Variants in RERE observed in about 807,000 individuals in gnomAD.
The protein encoded by RERE is arginine-glutamic acid dipeptide repeats, also known as arginine-glutamic acid dipeptide repeats protein.
Under a neutral mutation model 146.1 loss-of-function variants are expected in RERE, and 40 were observed. That is an observed-to-expected ratio of 0.27 (90% CI 0.21 to 0.36). The LOEUF is 0.36. Among genes scored for constraint, RERE ranks in the 10% least tolerant of loss-of-function variants. The pLI is 1.00. For missense variants in RERE, 1,933 were observed against 2,138.7 expected (o/e 0.90, Z 1.90); for synonymous variants, 1,003 against 866.0 (o/e 1.16, Z -2.78).
chr1:8,708,914 T>C (rs1191463255), intron 1 of RERE, among the ~76,000 whole-genome samples: 1 of 133,762 alleles, frequency 7.5e-6, no homozygotes, highest in South Asian at 2.6e-4. Context: ...AGTTTTTTTT[T>C]TTTTTTTTTT....
At chr1:8,725,521 G>A (rs906628041) in intron 1 of RERE, among the ~76,000 whole-genome samples, 6 of 152,148 alleles carry the variant, frequency 3.9e-5, no homozygotes, top group South Asian at 2.1e-4. Context: ...AGCCGACATC[G>A]TGCCACTGCA....
intron 12 of RERE, among the ~76,000 whole-genome samples, chr1:8,409,468 G>A (rs1643552747): frequency 6.6e-6 from 1 of 152,206 alleles, no homozygotes; most frequent in African/African-American, 2.4e-5. Flanking sequence ...AATAGAAGCA[G>A]GGGGAAGGCT....
intron 4 of RERE, among the ~76,000 whole-genome samples, chr1:8,594,372 C>A (rs1012653662): frequency 3.3e-5 from 5 of 152,138 alleles, no homozygotes; most frequent in Non-Finnish European, 5.9e-5. Flanking sequence ...CAACAAACTA[C>A]ATAAAATGTG....
chr1:8,625,227 A>C (rs928690351), intron 2 of RERE, among the ~76,000 whole-genome samples: 4 of 152,128 alleles, frequency 2.6e-5, no homozygotes, highest in African/African-American at 9.7e-5. Flanking sequence ...CCGAAGTGTC[A>C]GGATTACAGG....
At chr1:8,527,142 T>C (rs1645579840) in intron 7 of RERE, among the ~76,000 whole-genome samples, 1 of 152,138 alleles carries the variant, frequency 6.6e-6, no homozygotes, top group African/African-American at 2.4e-5. Context: ...TAAACTAAAT[T>C]CTGAAACTAT....
chr1:8,607,531 T>TATATATA (rs1215150807), intron 4 of RERE, among the ~76,000 whole-genome samples: 1 of 119,686 alleles, frequency 8.4e-6, no homozygotes, highest in South Asian at 2.6e-4. Flanking sequence ...TTTATATATA[T>TATATATA]TTCTTTTTTT....
At chr1:8,371,139 A>G (rs1409960786) in intron 12 of RERE, among the ~76,000 whole-genome samples, 2 of 152,234 alleles carry the variant, frequency 1.3e-5, no homozygotes, top group Admixed American at 6.5e-5. Context: ...TCCAACTGAC[A>G]GTGTTCCCGG....
Position 8,352,975 on chromosome 1 carries a change from T to G in RERE, c.*2112A>C, listed in dbSNP as rs1641154268. On this transcript the variant is annotated 3_prime_UTR_variant, in exon 23 of 23. Transcript: ENST00000400908. ...TAACTGAATGGTAGATGTTGTGTTC[T>G]ACCAAAAAGAAAGAAAAACCAGAAG... 6.6e-6 allele frequency: 1 copy of G among 152,502 alleles called. No individual in the cohort carries two copies. Among genetic ancestry groups the G allele is most frequent in the African/African-American group, 2.4e-5 (1 of 41,448 alleles). The allele number at this position is 152,502 out of a possible 1,614,324, so 9.4% of individuals were successfully genotyped here.
intron 10 of RERE, among the ~76,000 whole-genome samples, chr1:8,472,445 C>T (rs372595115): frequency 3.3e-5 from 5 of 152,140 alleles, no homozygotes; most frequent in Non-Finnish European, 7.4e-5. Context: ...GATTTTCTAC[C>T]GTTTTCCTAA....
At chr1:8,508,558 C>T (rs1645287767) in intron 8 of RERE, 69 bp downstream of exon 8, 2 of 1,175,358 alleles carry the variant, frequency 1.7e-6, no homozygotes, top group Non-Finnish European at 2.5e-6. Context: ...TGCTGCGCAA[C>T]AGAATAAAGT....
intron 3 of RERE, among the ~76,000 whole-genome samples, chr1:8,616,947 G>A (rs1259087586): frequency 2.0e-5 from 3 of 152,200 alleles, no homozygotes; most frequent in African/African-American, 7.2e-5. Context: ...CAAAAAGGAT[G>A]TGGTCGTTCA....
chr1:8,731,872 G>A (rs1022828968), intron 1 of RERE, among the ~76,000 whole-genome samples: 18 of 152,116 alleles, frequency 1.2e-4, no homozygotes, highest in Admixed American at 7.2e-4. Context: ...GCACGATCTC[G>A]ACTCACTGCA....
At chr1:8,522,260 T>C (rs1379294399) in intron 7 of RERE, among the ~76,000 whole-genome samples, 2 of 152,240 alleles carry the variant, frequency 1.3e-5, no homozygotes, top group Non-Finnish European at 2.9e-5. Flanking sequence ...AATATTCCTT[T>C]AGCTATTATT....
At chr1:8,553,089 G>A (rs1338377335) in intron 6 of RERE, among the ~76,000 whole-genome samples, 1 of 146,520 alleles carries the variant, frequency 6.8e-6, no homozygotes, top group Admixed American at 6.8e-5. Flanking sequence ...ATATACGCGT[G>A]CAACACAGCA....
At position 8,497,547 on chromosome 1, in the gene RERE, G is replaced by A. The variant is rs986747732; in HGVS notation, c.880-18C>T. On this transcript the variant is annotated intron_variant, in intron 8 of 22. Transcript: ENST00000400908. ...AGTTTGGCCTGTAAGACAGGGATGA[G>A]TAAGTCACAATCAAGGCATGTATTA... 3 of 1,613,594 alleles carry A rather than the reference G, an allele frequency of 1.9e-6. No homozygotes were observed. Among genetic ancestry groups the A allele is most frequent in the Non-Finnish European group, 2.5e-6 (3 of 1,179,596 alleles).
At chr1:8,757,921 C>CACACACACACAT (rs1640676114) in intron 1 of RERE, among the ~76,000 whole-genome samples, 1 of 151,870 alleles carries the variant, frequency 6.6e-6, no homozygotes, top group South Asian at 2.1e-4. Context: ...TACACACACA[C>CACACACACACAT]ACACACACAT....
Position 8,487,366 on chromosome 1 carries a change from C to T in RERE, c.1104+7697G>A, listed in dbSNP as rs567773949. The stretch of plus-strand genomic sequence containing the variant: ...GGGAAGCTGAGGAGGATCACTTGGG[C>T]CCAGGAGTTCGAGACCAGGCTGGGC... On this transcript the variant is annotated intron_variant, in intron 10 of 22. Coordinates refer to ENST00000400908, the MANE Select transcript of RERE (RefSeq NM_001042681.2). Among the ~76,000 whole-genome samples, 14 of 152,090 alleles carry T rather than the reference C, an allele frequency of 9.2e-5. No homozygotes were observed. In the East Asian group the frequency reaches 2.7e-3, roughly 29 times the overall value.
intron 2 of RERE, among the ~76,000 whole-genome samples, chr1:8,627,520 T>G (rs2124238162): frequency 6.7e-6 from 1 of 150,260 alleles, no homozygotes; most frequent in African/African-American, 2.5e-5. Context: ...GAGGATTGCT[T>G]GAACCCAGGA....
chr1:8,401,067 A>G (rs1175003151), intron 12 of RERE, among the ~76,000 whole-genome samples: 2 of 99,498 alleles, frequency 2.0e-5, no homozygotes, highest in African/African-American at 6.9e-5. Flanking sequence ...ATATATATAT[A>G]TATATGTCAC....
Sources: gnomAD v4.1 joint callset for allele counts (sites outside exome capture counted in the v4.1 genomes callset) on GRCh38, gnomAD v4.1.1 for gene constraint, MANE v1.5 for transcripts, NCBI Gene and HGNC (gene_info 2026-07-23, HGNC 2026-07-21) for gene names.